Variants in SLC35F3 observed in about 807,000 individuals in gnomAD.
The protein encoded by SLC35F3 is solute carrier family 35 member F3, also known as putative thiamine transporter SLC35F3.
Under a neutral mutation model 49.9 loss-of-function variants are expected in SLC35F3, and 25 were observed. That is an observed-to-expected ratio of 0.50 (90% CI 0.37 to 0.70). SLC35F3 has a LOEUF of 0.70. Ranked by LOEUF, SLC35F3 falls within the 30% of genes least tolerant of loss-of-function variation. The probability of loss-of-function intolerance (pLI) is 0.00; values close to 1 mark genes in which losing one functional copy is unlikely to be tolerated. For missense variants in SLC35F3, 525 were observed against 639.8 expected (o/e 0.82, Z 1.94); for synonymous variants, 275 against 265.4 (o/e 1.04, Z -0.35).
At chr1:234,186,425 CCT>C (rs1340746699) in intron 2 of SLC35F3, among the ~76,000 whole-genome samples, 1 of 152,188 alleles carries the variant, frequency 6.6e-6, no homozygotes, top group African/African-American at 2.4e-5. Context: ...CGTAGCAAAC[CCT>C]GAGCAAAGGG....
intron 3 of SLC35F3, among the ~76,000 whole-genome samples, chr1:234,277,388 C>T (rs1482916452): frequency 6.6e-6 from 1 of 152,208 alleles, no homozygotes; most frequent in African/African-American, 2.4e-5. Context: ...AGAGAGGCAG[C>T]TCACCAAACA....
At chr1:234,107,672 T>C (rs1665305404) in intron 2 of SLC35F3, among the ~76,000 whole-genome samples, 1 of 151,950 alleles carries the variant, frequency 6.6e-6, no homozygotes, top group Non-Finnish European at 1.5e-5. Flanking sequence ...CTGGCATTTC[T>C]AACTAAATGG....
At chr1:234,095,866 G>A (rs1665109137) in intron 2 of SLC35F3, among the ~76,000 whole-genome samples, 1 of 152,170 alleles carries the variant, frequency 6.6e-6, no homozygotes, top group Non-Finnish European at 1.5e-5. Flanking sequence ...CTTAGCACTT[G>A]GAAATGTGCC....
chr1:233,991,418 A>C (rs1486060197), intron 2 of SLC35F3, among the ~76,000 whole-genome samples: 1 of 152,102 alleles, frequency 6.6e-6, no homozygotes, highest in Admixed American at 6.6e-5. Context: ...CAGATCCTGC[A>C]AACTAACTTC....
intron 2 of SLC35F3, among the ~76,000 whole-genome samples, chr1:234,196,803 G>A (rs565928368): frequency 3.3e-4 from 50 of 152,188 alleles, no homozygotes; most frequent in African/African-American, 1.0e-3. Context: ...TTAGCCAGGC[G>A]TGGTGGCACA....
chr1:234,123,669 C>T (rs1665608382), intron 2 of SLC35F3, among the ~76,000 whole-genome samples: 1 of 151,942 alleles, frequency 6.6e-6, no homozygotes, highest in African/African-American at 2.4e-5. Context: ...CTGCCTGCCT[C>T]AGCCTCCCAA....
intron 2 of SLC35F3, among the ~76,000 whole-genome samples, chr1:233,954,641 G>A (rs1662665376): frequency 6.6e-6 from 1 of 152,108 alleles, no homozygotes; most frequent in South Asian, 2.1e-4. Context: ...AAATAAAAGG[G>A]CAAAGCCTCC....
chr1:234,173,548 G>A (rs1035144347), intron 2 of SLC35F3, among the ~76,000 whole-genome samples: 3 of 152,142 alleles, frequency 2.0e-5, no homozygotes, highest in South Asian at 2.1e-4. Context: ...TAACCTCTGG[G>A]GTCACAGGTT....
chr1:234,190,380 T>G (rs1404496295), intron 2 of SLC35F3, among the ~76,000 whole-genome samples: 5 of 152,160 alleles, frequency 3.3e-5, no homozygotes, highest in African/African-American at 1.2e-4. Flanking sequence ...GAAAAAGATA[T>G]TACATGTAAA....
chr1:233,986,648 C>T (rs1663270400), intron 2 of SLC35F3, among the ~76,000 whole-genome samples: 3 of 152,094 alleles, frequency 2.0e-5, no homozygotes, highest in Admixed American at 2.0e-4. Flanking sequence ...CCTTGCAGTT[C>T]TTAATTGAAT....
chr1:233,937,987 T>C (rs1055553199), intron 2 of SLC35F3, among the ~76,000 whole-genome samples: 2 of 152,112 alleles, frequency 1.3e-5, no homozygotes, highest in Admixed American at 6.5e-5. Context: ...GGAGAGAAGA[T>C]TGGGTTGACA....
chr1:234,319,305 A>G (rs1034488199), intron 6 of SLC35F3, among the ~76,000 whole-genome samples: 2 of 150,478 alleles, frequency 1.3e-5, no homozygotes, highest in Non-Finnish European at 3.0e-5. Context: ...ACTATAGATT[A>G]TCATTATTAT....
intron 2 of SLC35F3, among the ~76,000 whole-genome samples, chr1:233,917,126 G>A (rs1033385624): frequency 5.9e-5 from 9 of 152,146 alleles, no homozygotes; most frequent in African/African-American, 2.2e-4. Context: ...CGATCCGTCA[G>A]TTGGATTGGA....
chr1:234,109,551 A>C (rs1222248151), intron 2 of SLC35F3, among the ~76,000 whole-genome samples: 1 of 152,208 alleles, frequency 6.6e-6, no homozygotes, highest in Non-Finnish European at 1.5e-5. Context: ...TCCTTCTTAC[A>C]CATTGACTCC....
chr1:233,927,752 A>C (rs1261234900), intron 2 of SLC35F3, among the ~76,000 whole-genome samples: 1 of 152,244 alleles, frequency 6.6e-6, no homozygotes, highest in East Asian at 1.9e-4. Context: ...GATGCTTCAC[A>C]GATAAATATA....
chr1:234,261,741 A>G (rs1667909065), intron 3 of SLC35F3: 1 of 152,124 alleles, frequency 6.6e-6, no homozygotes, highest in Non-Finnish European at 1.5e-5. Context: ...CTCTTGTTCA[A>G]ATGCCTCTGA....
chr1:234,116,085 AG>A lies in SLC35F3; in HGVS notation c.284-115329del, dbSNP rs1222706704. On this transcript the variant is annotated intron_variant, in intron 2 of 7. Transcript: ENST00000366618. ...AAATCCACATTTCATATGTGAAAGG[AG>A]GGCATAAAGGAATAGTCAATTATGT... Among the ~76,000 whole-genome samples the A allele has an allele frequency of 2.0e-5, 3 of 152,346 alleles. No homozygotes were observed. In the East Asian group the frequency reaches 5.8e-4, roughly 29 times the overall value.
At chr1:234,285,867 G>A (rs1668411814) in intron 3 of SLC35F3, among the ~76,000 whole-genome samples, 1 of 152,182 alleles carries the variant, frequency 6.6e-6, no homozygotes. Flanking sequence ...GGAGAAAGAA[G>A]AGTTGAAAGT....
chr1:234,106,793 A>G (rs1665290175), intron 2 of SLC35F3, among the ~76,000 whole-genome samples: 2 of 152,126 alleles, frequency 1.3e-5, no homozygotes. Context: ...CAATGTATGG[A>G]GCTATTGCAA....
Sources: allele counts gnomAD v4.1 joint callset (sites outside exome capture counted in the v4.1 genomes callset), GRCh38; gene constraint gnomAD v4.1.1; transcripts MANE v1.5; gene names NCBI Gene and HGNC (gene_info 2026-07-23, HGNC 2026-07-21).